Variants in ABCC11 observed in about 807,000 individuals in gnomAD.
ABCC11 encodes ATP binding cassette subfamily C member 11, also known as ATP-binding cassette sub-family C member 11.
In ABCC11, 135 loss-of-function variants were observed where a neutral mutation model predicts 149.3. The ratio of observed to expected loss-of-function variants is 0.90; its 90% CI spans 0.79 to 1.04. The LOEUF (loss-of-function observed/expected upper bound fraction) is 1.04, where lower values mean the gene tolerates loss of function less well. Ranked by LOEUF, ABCC11 falls within the 50% of genes least tolerant of loss-of-function variation. The probability of loss-of-function intolerance (pLI) is 0.00; values close to 1 mark genes in which losing one functional copy is unlikely to be tolerated. For missense variants in ABCC11, 1,680 were observed against 1,722.1 expected (o/e 0.98, Z 0.43); for synonymous variants, 665 against 671.4 (o/e 0.99, Z 0.15).
In ABCC11 at chr16:48,244,367, C is replaced by T. The variant is rs750642329; in HGVS notation, c.-19+2947G>A. 2.7e-6 allele frequency: 4 copies of T among 1,506,476 alleles called. No homozygotes were observed. The Admixed American group carries it at 7.9e-5, about 30-fold the overall frequency. The allele number at this position is 1,506,476 out of a possible 1,614,324, so 93.3% of individuals were successfully genotyped here. A position where few individuals can be genotyped will look rare whatever the true frequency, so the allele number is the denominator to read the frequency against. ...GTCTGTCTGGCTCTTTTTGACAGCC[C>T]CCAGTGCGAAAGGCTGCCAGCATGT... On this transcript the variant is annotated intron_variant, in intron 1 of 29. Transcript: ENST00000356608.
intron 4 of ABCC11, among the ~76,000 whole-genome samples, chr16:48,227,075 C>T (rs1342020747): frequency 6.6e-6 from 1 of 152,154 alleles, no homozygotes; most frequent in Non-Finnish European, 1.5e-5. Context: ...TTAGCGGTGG[C>T]TTGAGCACTG....
At chr16:48,216,942 T>C (rs1158973345) in intron 6 of ABCC11, among the ~76,000 whole-genome samples, 2 of 152,168 alleles carry the variant, frequency 1.3e-5, no homozygotes, top group Non-Finnish European at 2.9e-5. Flanking sequence ...AGACCTCCCC[T>C]CTCATTCCAC....
intron 28 of ABCC11, among the ~76,000 whole-genome samples, chr16:48,169,374 T>C (rs1014805943): frequency 5.3e-5 from 8 of 152,148 alleles, no homozygotes; most frequent in African/African-American, 7.2e-5. Context: ...AATAAGCCCA[T>C]CTTGAATTAA....
rs567906650 is a variant in ABCC11, at chr16:48,232,729, C to T, written c.-18-790G>A. 4.6e-5 allele frequency among the ~76,000 whole-genome samples: 7 copies of T among 152,246 alleles called. No individual in the cohort carries two copies. In the East Asian group the frequency reaches 1.4e-3, roughly 29 times the overall value. On this transcript the variant is annotated intron_variant, in intron 1 of 29. Coordinates refer to ENST00000356608, the MANE Select transcript of ABCC11 (RefSeq NM_001370497.1). The stretch of plus-strand genomic sequence containing the variant: ...AGGGCCATGAGGGTGCAGCCTGTGC[C>T]CCCCAGGGCCCCACACTCAGAAGGG...
intron 1 of ABCC11, among the ~76,000 whole-genome samples, chr16:48,239,423 G>A (rs1038821913): frequency 6.6e-6 from 1 of 151,856 alleles, no homozygotes; most frequent in Non-Finnish European, 1.5e-5. Context: ...TTAGCCAGGT[G>A]TGGTGGCAGA....
chr16:48,192,661 G>C lies in ABCC11; in HGVS notation c.2565C>G (p.Asp855Glu), dbSNP rs747614453. The change falls in exon 20 of 30, where the codon GAC becomes GAG. Residue 855 changes from aspartate (D) to glutamate (E), a missense_variant. Coordinates refer to ENST00000356608, the MANE Select transcript of ABCC11 (RefSeq NM_001370497.1). ...GCTGGTAGAAGGACAGTTGAGGATT[G>C]TCTGCAATGTTGCCCAGGTCTGCCA... Reference protein sequence around the residue: ...GTMADLGNIADNPQLSFYQLV... With the variant: ...GTMADLGNIAENPQLSFYQLV... 6.2e-7 allele frequency: 1 copy of C among 1,614,228 alleles called. No homozygotes were observed. Among genetic ancestry groups the C allele is most frequent in the Admixed American group, 1.7e-5 (1 of 60,030 alleles).
At chr16:48,194,406 C>G (rs565087256) in intron 18 of ABCC11, among the ~76,000 whole-genome samples, 1 of 152,264 alleles carries the variant, frequency 6.6e-6, no homozygotes, top group South Asian at 2.1e-4. Flanking sequence ...TAACAGTTAC[C>G]TTTTATGTGG....
At chr16:48,219,563 TCTATA>T (rs2150888322) in intron 6 of ABCC11, among the ~76,000 whole-genome samples, 1 of 152,334 alleles carries the variant, frequency 6.6e-6, no homozygotes, top group African/African-American at 2.4e-5. Context: ...TAAGGCAACT[TCTATA>T]CTATTTTATT....
chr16:48,174,579 G>A (rs1965918154), intron 26 of ABCC11, among the ~76,000 whole-genome samples: 1 of 152,062 alleles, frequency 6.6e-6, no homozygotes, highest in African/African-American at 2.4e-5. Context: ...TGGAAGATCT[G>A]GTTCTGTCTG....
intron 14 of ABCC11, among the ~76,000 whole-genome samples, chr16:48,201,959 G>C (rs1208436720): frequency 6.6e-6 from 1 of 152,162 alleles, no homozygotes; most frequent in Non-Finnish European, 1.5e-5. Context: ...AATCAGAGTT[G>C]AAATGGTGGC....
At chr16:48,189,968 C>T (rs1430603910) in intron 20 of ABCC11, among the ~76,000 whole-genome samples, 1 of 152,190 alleles carries the variant, frequency 6.6e-6, no homozygotes, top group African/African-American at 2.4e-5. Context: ...CCATTCTCCT[C>T]CCAGAAGTGC....
intron 2 of ABCC11, among the ~76,000 whole-genome samples, chr16:48,231,225 A>C (rs1349282918): frequency 6.6e-6 from 1 of 152,062 alleles, no homozygotes; most frequent in Non-Finnish European, 1.5e-5. Flanking sequence ...GTAAATGCAT[A>C]GATAAATAGG....
chr16:48,223,125 A>G (rs1292623999), intron 5 of ABCC11, among the ~76,000 whole-genome samples: 1 of 152,232 alleles, frequency 6.6e-6, no homozygotes, highest in African/African-American at 2.4e-5. Context: ...ACAAAGGTGT[A>G]GACAGAATAT....
intron 2 of ABCC11, 148 bp downstream of exon 2, chr16:48,231,675 A>C: frequency 1.2e-6 from 1 of 817,646 alleles, no homozygotes; most frequent in Non-Finnish European, 1.6e-6. Flanking sequence ...AAAAAAAAAA[A>C]AGAGAGAGAG....
At chr16:48,191,123 G>A (rs1444589717) in intron 20 of ABCC11, among the ~76,000 whole-genome samples, 1 of 152,144 alleles carries the variant, frequency 6.6e-6, no homozygotes, top group Non-Finnish European at 1.5e-5. Context: ...AGAATGCACA[G>A]CACAAAGAAT....
intron 23 of ABCC11, among the ~76,000 whole-genome samples, chr16:48,181,291 C>T (rs1966415749): frequency 6.6e-6 from 1 of 152,214 alleles, no homozygotes; most frequent in African/African-American, 2.4e-5. Context: ...GAATGTGAGC[C>T]TGTGCACACA....
chr16:48,244,431 C>G (rs1288244609), intron 1 of ABCC11: 2 of 1,590,132 alleles, frequency 1.3e-6, no homozygotes, highest in South Asian at 2.3e-5. Context: ...TCGCCTCCCG[C>G]TGCTGCTCAC....
At position 48,179,499 on chromosome 16, in the gene ABCC11, G is replaced by T. The variant is rs537510538; in HGVS notation, c.3259-813C>A. ...AATGGGCAAACAGGACGTGCAGGGG[G>T]TGCTGGGTAACACATTAATCATACA... On this transcript the variant is annotated intron_variant, in intron 23 of 29. Transcript: ENST00000356608. 2.6e-5 allele frequency among the ~76,000 whole-genome samples: 4 copies of T among 152,348 alleles called. No individual in the cohort carries two copies. The South Asian group carries it at 6.2e-4, about 24-fold the overall frequency.
At position 48,170,174 on chromosome 16, in the gene ABCC11, G is replaced by A. The variant is rs142376800; in HGVS notation, c.3822C>T (p.Asn1274=). 81 of 1,614,064 alleles carry A rather than the reference G, an allele frequency of 5.0e-5. No homozygotes were observed. Among genetic ancestry groups the A allele is most frequent in the South Asian group, 7.7e-5 (7 of 91,072 alleles). The part of the protein sequence containing the change: ...PKKLHTDVVE[N]GGNFSVGERQ... ...TCTCCCCCACAGAGAAGTTTCCACC[G>A]TTTTCCACCACATCTGTATGCAGCT... The change falls in exon 28 of 30, where the codon AAC becomes AAT. Residue 1274 remains asparagine (N), a synonymous_variant. Coordinates refer to ENST00000356608, the MANE Select transcript of ABCC11 (RefSeq NM_001370497.1).
Sources: allele counts gnomAD v4.1 joint callset (sites outside exome capture counted in the v4.1 genomes callset), GRCh38; gene constraint gnomAD v4.1.1; transcripts MANE v1.5; gene names NCBI Gene and HGNC (gene_info 2026-07-23, HGNC 2026-07-21).